The following NEK10 variants were observed in gnomAD, a reference collection of about 807,000 sequenced individuals.
NEK10 encodes serine/threonine-protein kinase Nek10.
In NEK10, 122 loss-of-function variants were observed where a neutral mutation model predicts 159.8. That is an observed-to-expected ratio of 0.76 (90% CI 0.66 to 0.89). The LOEUF (loss-of-function observed/expected upper bound fraction) is 0.89. NEK10 is among the 40% of genes least tolerant of loss of function. NEK10 has a pLI of 0.00. For missense variants in NEK10, 1,342 were observed against 1,323.1 expected, an observed-to-expected ratio of 1.01 and a Z score of -0.22; for synonymous variants, 466 against 457.1, an observed-to-expected ratio of 1.02 and a Z score of -0.25.
At chr3:27,195,243 G>T (rs12485426) in intron 25 of NEK10, among the ~76,000 whole-genome samples, 34,741 of 152,162 alleles carry the variant, frequency 0.23, 4,291 homozygotes, top group Middle Eastern at 0.38. Context: ...TTGGCTGTGA[G>T]CCTGATCTTT....
At chr3:27,308,016 A>G in intron 10 of NEK10, 71 bp from the exon 11 acceptor site, 6 of 763,058 alleles carry the variant, frequency 7.9e-6, no homozygotes, top group Non-Finnish European at 1.4e-5. Flanking sequence ...TCCTTTTTCA[A>G]ACTGGTATAA....
intron 1 of NEK10, among the ~76,000 whole-genome samples, chr3:27,367,354 T>G (rs1456395583): frequency 6.6e-6 from 1 of 152,222 alleles, no homozygotes; most frequent in Non-Finnish European, 1.5e-5. Context: ...CACACCATGC[T>G]GTACTGTCTC....
chr3:27,150,954 C>T, intron 30 of NEK10, among the ~76,000 whole-genome samples: 1 of 152,178 alleles, frequency 6.6e-6, no homozygotes, highest in South Asian at 2.1e-4. Context: ...AAGCAGACTG[C>T]TCCTGCAGGA....
intron 6 of NEK10, 118 bp from the exon 7 acceptor site, chr3:27,314,456 A>G: frequency 3.0e-6 from 2 of 672,034 alleles, no homozygotes; most frequent in Admixed American, 5.0e-5. Context: ...GAAGGTCTAC[A>G]TTCTAATATA....
rs1157991067 is a variant in NEK10, at chr3:27,301,731, C to T, written c.1133G>A (p.Arg378Lys). The change falls in exon 13 of 36, where the codon AGG becomes AAG. Residue 378 changes from arginine to lysine, a missense_variant. Transcript: ENST00000691995. Reference sequence around the variant, plus strand: ...TGAGAAAGTATTTTCTTGTATTTCCCTAGGGCTCAAGTCTTCTGATAAATG... The same window carrying T: ...TGAGAAAGTATTTTCTTGTATTTCCTTAGGGCTCAAGTCTTCTGATAAATG... ...QLHLSEDLSP[R>K]EIQENTFSLQ... 4 of 1,578,084 alleles carry T rather than the reference C, an allele frequency of 2.5e-6. No homozygotes were observed. The highest frequency in any genetic ancestry group is 1.2e-5 in the South Asian group (1 of 86,282).
chr3:27,244,484 A>C (rs1954863714), intron 23 of NEK10, among the ~76,000 whole-genome samples: 1 of 152,178 alleles, frequency 6.6e-6, no homozygotes, highest in Non-Finnish European at 1.5e-5. Context: ...AGTGAGCACA[A>C]TATTAAGCTT....
chr3:27,314,417 C>T (rs966648829), intron 6 of NEK10, 79 bp from the exon 7 acceptor site: 2 of 832,986 alleles, frequency 2.4e-6, no homozygotes, highest in African/African-American at 3.4e-5. Flanking sequence ...AATTTCTTTA[C>T]TAAGTTGTCA....
chr3:27,221,055 A>C (rs1952055999), intron 23 of NEK10, among the ~76,000 whole-genome samples: 1 of 152,228 alleles, frequency 6.6e-6, no homozygotes, highest in African/African-American at 2.4e-5. Context: ...TAAGAATTAG[A>C]ACTATAAAAC....
chr3:27,249,127 G>C (rs115539268), intron 23 of NEK10, among the ~76,000 whole-genome samples: 6,305 of 152,210 alleles, frequency 0.041, 216 homozygotes, highest in African/African-American at 0.097. Context: ...CATGTGATCG[G>C]TTTTGTGTTT....
At chr3:27,150,131 G>A (rs1944686430) in intron 30 of NEK10, among the ~76,000 whole-genome samples, 1 of 152,186 alleles carries the variant, frequency 6.6e-6, no homozygotes, top group African/African-American at 2.4e-5. Context: ...GTAGATGTTG[G>A]TTCGTGCAGT....
At chr3:27,343,654 C>T (rs527509832) in intron 5 of NEK10, among the ~76,000 whole-genome samples, 124 of 152,254 alleles carry the variant, frequency 8.1e-4, no homozygotes, top group Admixed American at 2.8e-3. Context: ...CAGCTCAGAA[C>T]GGACAGAAAA....
intron 1 of NEK10, among the ~76,000 whole-genome samples, chr3:27,357,234 A>C (rs936823815): frequency 1.3e-5 from 2 of 152,212 alleles, no homozygotes; most frequent in Non-Finnish European, 2.9e-5. Context: ...TATTCACCAG[A>C]GAATGGTGAG....
At position 27,121,812 on chromosome 3, in the gene NEK10, G is replaced by A. The variant is rs28564401; in HGVS notation, c.3082-1944C>T. 9.0e-3 allele frequency among the ~76,000 whole-genome samples: 1,368 copies of A among 152,184 alleles called. 24 individuals carry two copies. Among genetic ancestry groups the A allele is most frequent in the African/African-American group, 0.031 (1,292 of 41,508 alleles). On this transcript the variant is annotated intron_variant, in intron 32 of 35. Coordinates refer to ENST00000691995, the MANE Select transcript of NEK10 (RefSeq NM_001394966.1). ...TTGTGGCAGGAGATGTAATGTGGCC[G>A]TACAAAGGGGTCTTCTGCAGAGCTA...
chr3:27,341,912 G>A (rs1161679026), intron 5 of NEK10, among the ~76,000 whole-genome samples: 3 of 152,106 alleles, frequency 2.0e-5, no homozygotes, highest in Non-Finnish European at 2.9e-5. Flanking sequence ...AGCATAACAC[G>A]CTGAATGTCT....
chr3:27,156,778 C>T (rs937491865), intron 30 of NEK10, among the ~76,000 whole-genome samples: 3 of 150,994 alleles, frequency 2.0e-5, no homozygotes, highest in Non-Finnish European at 4.4e-5. Context: ...TTTAAGCCAG[C>T]AATCCCACTA....
chr3:27,309,405 G>C (rs2044506793), intron 9 of NEK10: 4 of 152,238 alleles, frequency 2.6e-5, no homozygotes, highest in Non-Finnish European at 1.5e-5. Flanking sequence ...ATTTTTTGCA[G>C]TCAATATAAA....
At chr3:27,116,048 C>A in intron 34 of NEK10, 27 bp downstream of exon 34, 1 of 1,612,654 alleles carries the variant, frequency 6.2e-7, no homozygotes, top group South Asian at 1.1e-5. Flanking sequence ...AAAATAAAAT[C>A]ATTCAGAGAC....
chr3:27,360,543 C>T (rs1003797729), intron 1 of NEK10, among the ~76,000 whole-genome samples: 3 of 152,184 alleles, frequency 2.0e-5, no homozygotes, highest in African/African-American at 4.8e-5. Flanking sequence ...GAGAACAAAG[C>T]GCACTTCACC....
intron 23 of NEK10, among the ~76,000 whole-genome samples, chr3:27,233,387 T>A (rs1006378767): frequency 2.4e-4 from 37 of 151,698 alleles, no homozygotes; most frequent in African/African-American, 8.4e-4. Context: ...AACGTTTTTT[T>A]AAAAAATCCA....
Sources: allele counts gnomAD v4.1 joint callset (sites outside exome capture counted in the v4.1 genomes callset), GRCh38; gene constraint gnomAD v4.1.1; transcripts MANE v1.5; gene names NCBI Gene and HGNC (gene_info 2026-07-23, HGNC 2026-07-21).